The following KPNA6 variants were observed in gnomAD, a reference collection of about 807,000 sequenced individuals.
KPNA6 encodes the protein karyopherin subunit alpha 6.
A neutral mutation model predicts 72.0 loss-of-function variants in KPNA6; 9 were observed. The ratio of observed to expected loss-of-function variants is 0.13; its 90% CI spans 0.08 to 0.22. KPNA6 has a LOEUF of 0.22. Among genes scored for constraint, KPNA6 ranks in the 10% least tolerant of loss-of-function variants. KPNA6 has a pLI of 1.00. For missense variants in KPNA6, 374 were observed against 655.7 expected (o/e 0.57, Z 4.69); for synonymous variants, 219 against 242.1 (o/e 0.90, Z 0.89).
intron 1 of KPNA6, among the ~76,000 whole-genome samples, chr1:32,147,074 G>C (rs904570622): frequency 6.6e-6 from 1 of 151,878 alleles, no homozygotes; most frequent in Non-Finnish European, 1.5e-5. Context: ...GCCTAGACTG[G>C]TCTCGAACTC....
chr1:32,170,170 C>T (rs1338440451), intron 13 of KPNA6, 110 bp downstream of exon 13: 22 of 922,446 alleles, frequency 2.4e-5, no homozygotes, highest in Non-Finnish European at 2.9e-5. Context: ...CCATAGCTTC[C>T]ATGAGACTGA....
At chr1:32,164,940 C>G (rs1047880054) in intron 10 of KPNA6, among the ~76,000 whole-genome samples, 1 of 151,968 alleles carries the variant, frequency 6.6e-6, no homozygotes, top group African/African-American at 2.4e-5. Flanking sequence ...CTTTGTCACC[C>G]AGGCTAGAGT....
intron 1 of KPNA6, among the ~76,000 whole-genome samples, chr1:32,128,426 T>TATATATATAC (rs1491304508): frequency 7.1e-4 from 70 of 99,118 alleles, no homozygotes; most frequent in East Asian, 3.2e-3. Flanking sequence ...TATATATATA[T>TATATATATAC]ACACACACAC....
chr1:32,167,093 G>T, intron 11 of KPNA6, 76 bp from the exon 12 acceptor site: 2 of 1,549,768 alleles, frequency 1.3e-6, no homozygotes, highest in Non-Finnish European at 1.8e-6. Flanking sequence ...AGTCTCAGCT[G>T]ATTTGGGGAC....
chr1:32,132,266 C>T lies in KPNA6; in HGVS notation c.5-22322C>T, dbSNP rs566367002. Among the ~76,000 whole-genome samples, 9 of 151,922 alleles carry T rather than the reference C, an allele frequency of 5.9e-5. No homozygotes were observed. The South Asian group carries it at 1.9e-3, about 32-fold the overall frequency. On this transcript the variant is annotated intron_variant, in intron 1 of 13. Transcript: ENST00000373625. ...GATTACAGGTATGAGTCACCATGCCCGGCCCAGTGGTGTCTTTTAAAGCAT... is the reference window on the plus strand; with the variant it reads ...GATTACAGGTATGAGTCACCATGCCTGGCCCAGTGGTGTCTTTTAAAGCAT...
chr1:32,149,177 G>A (rs1003574766), intron 1 of KPNA6, among the ~76,000 whole-genome samples: 3 of 151,558 alleles, frequency 2.0e-5, no homozygotes, highest in East Asian at 3.9e-4. Context: ...TTCAATAAGT[G>A]TACTTTTGAG....
chr1:32,123,810 T>C lies in KPNA6; in HGVS notation c.4+15676T>C, dbSNP rs185108190. Among the ~76,000 whole-genome samples the C allele has an allele frequency of 1.3e-3, 194 of 145,790 alleles. 1 individual carries two copies. Among genetic ancestry groups the C allele is most frequent in the Admixed American group, 8.3e-3 (120 of 14,538 alleles). On this transcript the variant is annotated intron_variant, in intron 1 of 13. Transcript: ENST00000373625. ...CAGCACTCTGGGAGGCCAAGGCAGG[T>C]GGATCATGCGGTCAAGAGATTGAGA... is the stretch of plus-strand genomic sequence containing the variant.
chr1:32,128,426 T>TATATATATATATATATATATAC (rs1491304508), intron 1 of KPNA6, among the ~76,000 whole-genome samples: 1 of 99,170 alleles, frequency 1.0e-5, no homozygotes, highest in Non-Finnish European at 1.9e-5. Context: ...TATATATATA[T>TATATATATATATATATATATAC]ACACACACAC....
chr1:32,152,802 G>A (rs539090203), intron 1 of KPNA6, among the ~76,000 whole-genome samples: 3 of 151,390 alleles, frequency 2.0e-5, no homozygotes, highest in Admixed American at 6.6e-5. Context: ...CCGAGATGGC[G>A]CCATTGCACT....
chr1:32,174,499 G>C lies in KPNA6; in HGVS notation c.*3605G>C, dbSNP rs1421159202. The C allele has an allele frequency of 1.3e-5, 2 of 152,246 alleles. No individual in the cohort carries two copies. Among genetic ancestry groups the C allele is most frequent in the Non-Finnish European group, 2.9e-5 (2 of 68,086 alleles). The allele number at this position is 152,246 out of a possible 1,614,324, so 9.4% of individuals were successfully genotyped here. ...TGTTTCTAGCAAACTAGAAGGAAAA[G>C]ATAGGAAAGCCTGGCACTACTAACC... On this transcript the variant is annotated 3_prime_UTR_variant, in exon 14 of 14. Coordinates refer to ENST00000373625, the MANE Select transcript of KPNA6 (RefSeq NM_012316.5).
chr1:32,156,437 G>C (rs1642144027), intron 2 of KPNA6, among the ~76,000 whole-genome samples: 1 of 152,082 alleles, frequency 6.6e-6, no homozygotes, highest in Non-Finnish European at 1.5e-5. Context: ...AGTAAAATAA[G>C]GGTTACTTGA....
intron 1 of KPNA6, among the ~76,000 whole-genome samples, chr1:32,109,423 C>A (rs542743617): frequency 6.6e-6 from 1 of 151,962 alleles, no homozygotes; most frequent in Non-Finnish European, 1.5e-5. Context: ...TCGCCTGCCT[C>A]GGCCTCCCAA....
chr1:32,166,302 T>A, intron 11 of KPNA6, 72 bp downstream of exon 11: 1 of 1,522,608 alleles, frequency 6.6e-7, no homozygotes. Context: ...ATATTTGCTT[T>A]CAGAAGAAAG....
chr1:32,110,967 T>C (rs1199887638), intron 1 of KPNA6, among the ~76,000 whole-genome samples: 2 of 152,192 alleles, frequency 1.3e-5, no homozygotes, highest in Non-Finnish European at 2.9e-5. Flanking sequence ...AACAGATTCT[T>C]TTCCACTTTC....
chr1:32,165,255 G>T (rs1642311725), intron 10 of KPNA6, among the ~76,000 whole-genome samples: 2 of 151,914 alleles, frequency 1.3e-5, no homozygotes, highest in African/African-American at 4.8e-5. Flanking sequence ...TCACTATGTT[G>T]CCCCAGCTGG....
chr1:32,113,510 G>A (rs1341785986), intron 1 of KPNA6, among the ~76,000 whole-genome samples: 1 of 152,060 alleles, frequency 6.6e-6, no homozygotes, highest in African/African-American at 2.4e-5. Context: ...GGAATGCAGT[G>A]GTGCTATCAA....
chr1:32,120,967 C>G (rs958854808), intron 1 of KPNA6, among the ~76,000 whole-genome samples: 15 of 151,206 alleles, frequency 9.9e-5, no homozygotes, highest in Non-Finnish European at 1.5e-5. Flanking sequence ...CTCCTGAGTT[C>G]AAGCGTTCAA....
rs944886723 is a variant in KPNA6 at position 32,171,702 on chromosome 1, G to A, written c.*808G>A. ...TGCAGGGGAGGAGCACAGGCCTTCA[G>A]ATGGGGCTTCCCACGTGTAGCTACT... On this transcript the variant is annotated 3_prime_UTR_variant, in exon 14 of 14. Coordinates refer to ENST00000373625, the MANE Select transcript of KPNA6 (RefSeq NM_012316.5). 7 of 152,266 alleles carry A rather than the reference G, an allele frequency of 4.6e-5. No homozygotes were observed. The highest frequency in any genetic ancestry group is 1.4e-4 in the African/African-American group (6 of 41,446). The allele number at this position is 152,266 out of a possible 1,614,324, so 9.4% of individuals were successfully genotyped here.
chr1:32,141,687 G>A (rs547036352), intron 1 of KPNA6, among the ~76,000 whole-genome samples: 6 of 151,918 alleles, frequency 3.9e-5, no homozygotes, highest in Admixed American at 6.6e-5. Flanking sequence ...ATGAGCCACC[G>A]TGCCTGGCCT....
Sources: gnomAD v4.1 joint callset for allele counts (sites outside exome capture counted in the v4.1 genomes callset) on GRCh38, gnomAD v4.1.1 for gene constraint, MANE v1.5 for transcripts, NCBI Gene and HGNC (gene_info 2026-07-23, HGNC 2026-07-21) for gene names.